DKK2: variants seen among roughly 807,000 people sequenced by gnomAD.
The protein encoded by DKK2 is dickkopf-related protein 2.
Under a neutral mutation model 28.1 loss-of-function variants are expected in DKK2, and 11 were observed. The ratio of observed to expected loss-of-function variants is 0.39; its 90% confidence interval spans 0.25 to 0.65. The LOEUF (loss-of-function observed/expected upper bound fraction) is 0.65. DKK2 is among the 30% of genes least tolerant of loss of function. DKK2 has a pLI of 0.47. For synonymous variants in DKK2, 135 were observed against 126.5 expected, an observed-to-expected ratio of 1.07 and a Z score of -0.45; for missense variants, 326 against 335.5, an observed-to-expected ratio of 0.97 and a Z score of 0.22.
At chr4:107,006,447 T>C (rs1723439375) in intron 1 of DKK2, among the ~76,000 whole-genome samples, 1 of 152,096 alleles carries the variant, frequency 6.6e-6, no homozygotes, top group Non-Finnish European at 1.5e-5. Context: ...CAGCACCTGG[T>C]TGTGGGAAAA....
chr4:106,954,687 A>AT (rs1183947170), intron 1 of DKK2, among the ~76,000 whole-genome samples: 2 of 151,708 alleles, frequency 1.3e-5, no homozygotes, highest in South Asian at 2.1e-4. Context: ...ACGCCTGGCT[A>AT]TTTTTTTGTA....
At chr4:106,927,935 C>G (rs1724446456) in intron 1 of DKK2, among the ~76,000 whole-genome samples, 1 of 152,088 alleles carries the variant, frequency 6.6e-6, no homozygotes, top group Non-Finnish European at 1.5e-5. Context: ...ACTCAAATAA[C>G]AAGTCCTCAA....
chr4:106,956,419 A>G (rs1722591438), intron 1 of DKK2, among the ~76,000 whole-genome samples: 1 of 152,198 alleles, frequency 6.6e-6, no homozygotes, highest in South Asian at 2.1e-4. Flanking sequence ...TTCATATGGA[A>G]CTAAAAAAGA....
At chr4:106,933,894 A>T (rs1256066622) in intron 1 of DKK2, among the ~76,000 whole-genome samples, 6 of 152,280 alleles carry the variant, frequency 3.9e-5, no homozygotes, top group South Asian at 4.1e-4. Context: ...TGAGTTTTAA[A>T]TGTTATACAA....
intron 1 of DKK2, among the ~76,000 whole-genome samples, chr4:106,973,749 TTTGTCTA>T (rs1277791800): frequency 6.6e-6 from 1 of 152,182 alleles, no homozygotes; most frequent in Non-Finnish European, 1.5e-5. Context: ...TTAGATCCCA[TTTGTCTA>T]TTTTGGCTTT....
intron 1 of DKK2, among the ~76,000 whole-genome samples, chr4:107,017,151 T>A (rs1723621643): frequency 6.6e-6 from 1 of 152,012 alleles, no homozygotes. Context: ...AGTATTTGAC[T>A]TTATCCATTC....
intron 3 of DKK2, 77 bp from the exon 4 acceptor site, chr4:106,924,281 TA>T: frequency 6.5e-7 from 1 of 1,534,756 alleles, no homozygotes; most frequent in Non-Finnish European, 8.8e-7. Context: ...CAGAAGCACA[TA>T]AAATATTTTT....
chr4:107,021,080 G>T lies in DKK2; in HGVS notation c.222+14290C>A, dbSNP rs76699659. 2.0e-3 allele frequency among the ~76,000 whole-genome samples: 301 copies of T among 152,066 alleles called. 1 individual carries two copies. Among genetic ancestry groups the T allele is most frequent in the African/African-American group, 6.7e-3 (280 of 41,502 alleles). On this transcript the variant is annotated intron_variant, in intron 1 of 3. Coordinates refer to ENST00000285311, the MANE Select transcript of DKK2 (RefSeq NM_014421.3). Reference sequence around the variant, plus strand: ...TTTAAGACTTTCTAAACCCAACTGAGGGTTTTCCACCTTAAAGCAATTGAC... The same window carrying T: ...TTTAAGACTTTCTAAACCCAACTGATGGTTTTCCACCTTAAAGCAATTGAC...
intron 1 of DKK2, among the ~76,000 whole-genome samples, chr4:106,946,531 A>G (rs1366869646): frequency 6.6e-6 from 1 of 151,876 alleles, no homozygotes. Context: ...ACAAACAAAC[A>G]AAACTACAGA....
intron 1 of DKK2, among the ~76,000 whole-genome samples, chr4:106,945,448 A>T (rs777401806): frequency 6.6e-6 from 1 of 152,104 alleles, no homozygotes; most frequent in Non-Finnish European, 1.5e-5. Context: ...ATATAATAAT[A>T]ATTAATAGTA....
chr4:107,001,754 A>C (rs1723363095), intron 1 of DKK2, among the ~76,000 whole-genome samples: 2 of 152,224 alleles, frequency 1.3e-5, no homozygotes, highest in Non-Finnish European at 2.9e-5. Context: ...TGTTGTATGT[A>C]TAAAAGAATG....
At chr4:107,003,820 A>C (rs911470559) in intron 1 of DKK2, among the ~76,000 whole-genome samples, 1 of 152,186 alleles carries the variant, frequency 6.6e-6, no homozygotes, top group African/African-American at 2.4e-5. Context: ...AGACCTACAA[A>C]ATCAGAATTT....
Position 107,035,773 on chromosome 4 carries a change from A to G in DKK2, c.-182T>C. ...AACTCAGTCTCACGCCTCAGGACAG[A>G]AATTAGCGGAACCCAAGCGAGACCC... On this transcript the variant is annotated 5_prime_UTR_variant, in exon 1 of 4. Transcript: ENST00000285311. 1.6e-6 allele frequency: 1 copy of G among 618,932 alleles called. No individual in the cohort carries two copies. The highest frequency in any genetic ancestry group is 2.8e-6 in the Non-Finnish European group (1 of 354,612). The allele number at this position is 618,932 out of a possible 1,614,324, so 38.3% of individuals were successfully genotyped here.
intron 1 of DKK2, among the ~76,000 whole-genome samples, chr4:106,958,498 G>C (rs914425315): frequency 6.6e-6 from 1 of 151,866 alleles, no homozygotes; most frequent in Non-Finnish European, 1.5e-5. Flanking sequence ...AATTTATGGG[G>C]GCATGCCAAG....
chr4:107,007,220 C>G (rs886402765), intron 1 of DKK2, among the ~76,000 whole-genome samples: 36 of 152,094 alleles, frequency 2.4e-4, no homozygotes, highest in African/African-American at 8.4e-4. Context: ...TAAACTGATG[C>G]TTCTACATGG....
intron 1 of DKK2, among the ~76,000 whole-genome samples, chr4:106,977,654 TC>T: frequency 6.6e-6 from 1 of 152,284 alleles, no homozygotes; most frequent in East Asian, 1.9e-4. Flanking sequence ...TTTTTCAAGT[TC>T]TTAGCTTCCT....
chr4:106,960,944 G>A (rs137897619), intron 1 of DKK2, among the ~76,000 whole-genome samples: 2 of 152,178 alleles, frequency 1.3e-5, no homozygotes, highest in African/African-American at 4.8e-5. Context: ...GAGGGAAATA[G>A]TAAAATTATA....
chr4:106,954,595 C>T (rs1330818126), intron 1 of DKK2, among the ~76,000 whole-genome samples: 1 of 152,136 alleles, frequency 6.6e-6, no homozygotes, highest in Non-Finnish European at 1.5e-5. Flanking sequence ...GATCTCGGCT[C>T]ACTGCAACTT....
At chr4:106,948,013 A>G (rs1724802999) in intron 1 of DKK2, among the ~76,000 whole-genome samples, 1 of 152,146 alleles carries the variant, frequency 6.6e-6, no homozygotes, top group African/African-American at 2.4e-5. Context: ...TCATGCAACC[A>G]CTAGCTGTAG....
Sources: allele counts gnomAD v4.1 joint callset (sites outside exome capture counted in the v4.1 genomes callset), GRCh38; gene constraint gnomAD v4.1.1; transcripts MANE v1.5; gene names NCBI Gene and HGNC (gene_info 2026-07-23, HGNC 2026-07-21).